GPC3: variants seen among roughly 807,000 people sequenced by gnomAD.
GPC3 encodes the protein glypican 3, also known as glypican-3.
Under a neutral mutation model 34.4 loss-of-function variants are expected in GPC3, and 3 were observed. That is an observed-to-expected ratio of 0.09 (90% CI 0.04 to 0.23). The LOEUF (loss-of-function observed/expected upper bound fraction) is 0.23, where lower values mean the gene tolerates loss of function less well. Ranked by LOEUF, GPC3 falls within the 10% of genes least tolerant of loss-of-function variation. The probability of loss-of-function intolerance (pLI) is 1.00; values close to 1 mark genes in which losing one functional copy is unlikely to be tolerated. For synonymous variants in GPC3, 177 were observed against 174.0 expected (o/e 1.02, Z -0.13); for missense variants, 351 against 445.6 (o/e 0.79, Z 1.91).
chrX:133,614,888 C>T (rs1007020013), intron 6 of GPC3, among the ~76,000 whole-genome samples: 5 of 111,314 alleles, frequency 4.5e-5, no homozygotes, highest in Non-Finnish European at 9.4e-5. Context: ...TCTTACAGAG[C>T]TATAGAGGGT....
intron 2 of GPC3, among the ~76,000 whole-genome samples, chrX:133,943,240 C>T (rs1161805526): frequency 3.6e-5 from 4 of 112,323 alleles, no homozygotes; most frequent in Non-Finnish European, 7.5e-5. Context: ...TTATTACCCT[C>T]ATTTTGTAAA....
chrX:133,704,466 A>C (rs746214389), intron 3 of GPC3, among the ~76,000 whole-genome samples: 114 of 107,194 alleles, frequency 1.1e-3, no homozygotes, highest in Non-Finnish European at 1.9e-3. Context: ...AGACCCAAAG[A>C]AATGAGGAAA....
intron 1 of GPC3, among the ~76,000 whole-genome samples, chrX:133,954,283 C>G (rs1008771879): frequency 8.9e-6 from 1 of 111,916 alleles, no homozygotes; most frequent in South Asian, 3.7e-4. Context: ...ATATGCATGT[C>G]AAAATTATCA....
At chrX:133,670,892 T>C in intron 5 of GPC3, 1 of 329,917 alleles carries the variant, frequency 3.0e-6, no homozygotes, top group South Asian at 5.4e-5. Flanking sequence ...CAGAAACAAT[T>C]AGCTTCTTCT....
chrX:133,631,601 C>T (rs907383540), intron 6 of GPC3, among the ~76,000 whole-genome samples: 2 of 111,706 alleles, frequency 1.8e-5, no homozygotes, highest in Non-Finnish European at 3.8e-5. Context: ...AGACCTTGCT[C>T]TCAATTGTTT....
At chrX:133,545,777 T>C (rs2124269695) in intron 7 of GPC3, among the ~76,000 whole-genome samples, 1 of 111,649 alleles carries the variant, frequency 9.0e-6, no homozygotes, top group African/African-American at 3.3e-5. Flanking sequence ...AACCAGATAC[T>C]CAAACAGATA....
chrX:133,599,982 GCTCTCC>G (rs1364344469), intron 6 of GPC3, among the ~76,000 whole-genome samples: 1 of 111,403 alleles, frequency 9.0e-6, no homozygotes, highest in Admixed American at 9.6e-5. Flanking sequence ...AGTCATTATA[GCTCTCC>G]CTCTCCCTCT....
Position 133,841,215 on chromosome X carries a change from A to ATTTTTTTTTTTTTTTTTTTTTTT in GPC3, c.338-87062_338-87040dup, listed in dbSNP as rs769696321. Among the ~76,000 whole-genome samples the ATTTTTTTTTTTTTTTTTTTTTTT allele has an allele frequency of 1.1e-3, 45 of 39,246 alleles. 12 individuals are homozygous for ATTTTTTTTTTTTTTTTTTTTTTT. The highest frequency in any genetic ancestry group is 1.8e-3 in the Non-Finnish European group (33 of 18,663). 34.1% of individuals were successfully genotyped at this position (39,246 alleles called of 115,157 possible). On this transcript the variant is annotated intron_variant, in intron 2 of 7. Transcript: ENST00000370818. ...ACCACCATGCCTGGCTAATCTTTTA[A>ATTTTTTTTTTTTTTTTTTTTTTT]TTTTTTTTTTTTTTTTTTTTTTTGG... is the stretch of plus-strand genomic sequence containing the variant.
intron 5 of GPC3, among the ~76,000 whole-genome samples, chrX:133,673,462 T>C (rs1268112764): frequency 8.9e-6 from 1 of 112,614 alleles, no homozygotes; most frequent in African/African-American, 3.2e-5. Flanking sequence ...GGCAAGGAAC[T>C]AGTCACATAC....
At chrX:133,845,754 C>T (rs1022475163) in intron 2 of GPC3, among the ~76,000 whole-genome samples, 3 of 112,072 alleles carry the variant, frequency 2.7e-5, no homozygotes, top group African/African-American at 9.7e-5. Context: ...TCACTTAATC[C>T]GCTGATTACA....
At chrX:133,975,338 C>T (rs1374725752) in intron 1 of GPC3, among the ~76,000 whole-genome samples, 1 of 112,686 alleles carries the variant, frequency 8.9e-6, no homozygotes, top group Non-Finnish European at 1.9e-5. Context: ...CATCTGTGCT[C>T]CAAGAAATCC....
At chrX:133,825,022 C>T (rs970733749) in intron 2 of GPC3, among the ~76,000 whole-genome samples, 9 of 111,138 alleles carry the variant, frequency 8.1e-5, no homozygotes, top group Non-Finnish European at 1.7e-4. Context: ...TGCCAAGCTA[C>T]TTTTTTATAT....
chrX:133,719,253 A>G (rs935682535), intron 3 of GPC3, among the ~76,000 whole-genome samples: 2 of 112,109 alleles, frequency 1.8e-5, no homozygotes, highest in Non-Finnish European at 3.8e-5. Context: ...CAATGGAATA[A>G]AATTAGAAAA....
intron 6 of GPC3, among the ~76,000 whole-genome samples, chrX:133,658,243 T>C (rs1396886685): frequency 8.9e-6 from 1 of 112,245 alleles, no homozygotes; most frequent in Non-Finnish European, 1.9e-5. Flanking sequence ...CATTAATGGC[T>C]TTCTGCCTCA....
At chrX:133,763,468 G>A (rs2124487667) in intron 2 of GPC3, 1 of 542,665 alleles carries the variant, frequency 1.8e-6, no homozygotes, top group East Asian at 3.3e-5. Context: ...TGTGATGAAG[G>A]AGGAATTTCA....
At chrX:133,694,638 AAG>A (rs777604651) in intron 4 of GPC3, among the ~76,000 whole-genome samples, 34 of 110,051 alleles carry the variant, frequency 3.1e-4, no homozygotes, top group Non-Finnish European at 5.5e-4. Flanking sequence ...TCTTAAAGGA[AAG>A]AGTTTCCCTT....
chrX:133,798,172 G>C (rs1202989059), intron 2 of GPC3, among the ~76,000 whole-genome samples: 1 of 111,446 alleles, frequency 9.0e-6, no homozygotes, highest in Non-Finnish European at 1.9e-5. Context: ...GAGCAAACCA[G>C]TTTTCCTTCC....
intron 2 of GPC3, among the ~76,000 whole-genome samples, chrX:133,872,012 T>C (rs1369132535): frequency 9.0e-6 from 1 of 111,002 alleles, no homozygotes; most frequent in Non-Finnish European, 1.9e-5. Flanking sequence ...GGCACAATCA[T>C]AGCTCACTGC....
At chrX:133,738,870 C>A (rs1277307912) in intron 3 of GPC3, among the ~76,000 whole-genome samples, 1 of 111,589 alleles carries the variant, frequency 9.0e-6, no homozygotes, top group African/African-American at 3.3e-5. Flanking sequence ...ATGATTGATT[C>A]TCCTGGTTAT....
Sources: gnomAD v4.1 joint callset for allele counts (sites outside exome capture counted in the v4.1 genomes callset) on GRCh38, gnomAD v4.1.1 for gene constraint, MANE v1.5 for transcripts, NCBI Gene and HGNC (gene_info 2026-07-23, HGNC 2026-07-21) for gene names.